NDUFAF2: variants seen among roughly 807,000 people sequenced by gnomAD.
NDUFAF2 encodes NADH dehydrogenase [ubiquinone] 1 alpha subcomplex assembly factor 2.
A neutral mutation model predicts 22.8 loss-of-function variants in NDUFAF2; 13 were observed. That is an observed-to-expected ratio of 0.57 (90% CI 0.37 to 0.91). The LOEUF (loss-of-function observed/expected upper bound fraction) is 0.91. Among genes scored for constraint, NDUFAF2 ranks in the 40% least tolerant of loss-of-function variants. NDUFAF2 has a pLI of 0.01. For missense variants in NDUFAF2, 162 were observed against 195.2 expected (o/e 0.83, Z 1.01); for synonymous variants, 53 against 64.2 (o/e 0.83, Z 0.84).
chr5:61,088,289 T>C (rs575879122), intron 2 of NDUFAF2, among the ~76,000 whole-genome samples: 3 of 152,184 alleles, frequency 2.0e-5, no homozygotes, highest in South Asian at 4.1e-4. Flanking sequence ...TGAGCACATA[T>C]ATCCCATCAC....
intron 3 of NDUFAF2, among the ~76,000 whole-genome samples, chr5:61,128,060 G>T (rs1404587059): frequency 6.6e-6 from 1 of 152,108 alleles, no homozygotes; most frequent in Non-Finnish European, 1.5e-5. Flanking sequence ...GCTTCAAAGA[G>T]AATAAAATAG....
At chr5:60,957,071 A>C (rs761061569) in intron 1 of NDUFAF2, among the ~76,000 whole-genome samples, 13 of 152,140 alleles carry the variant, frequency 8.5e-5, no homozygotes, top group Non-Finnish European at 1.8e-4. Context: ...AGGGTGTTTT[A>C]TACCTTTTGT....
At chr5:60,964,178 TG>T (rs1254969540) in intron 1 of NDUFAF2, among the ~76,000 whole-genome samples, 3 of 152,128 alleles carry the variant, frequency 2.0e-5, no homozygotes, top group Non-Finnish European at 4.4e-5. Context: ...ACAGAAAAGT[TG>T]CAAGAATAAT....
intron 1 of NDUFAF2, among the ~76,000 whole-genome samples, chr5:60,981,085 T>C (rs1233641475): frequency 6.6e-6 from 1 of 152,030 alleles, no homozygotes; most frequent in Admixed American, 6.6e-5. Flanking sequence ...TACAATAAGG[T>C]TATACAACAA....
chr5:61,040,291 CGCGCGCGCGCGA>C (rs1216221695), intron 1 of NDUFAF2, among the ~76,000 whole-genome samples: 4 of 83,888 alleles, frequency 4.8e-5, no homozygotes, highest in East Asian at 2.5e-4. Flanking sequence ...CACACACGCG[CGCGCGCGCGCGA>C]AAGTTGAAAG....
At chr5:61,022,696 G>A (rs753099324) in intron 1 of NDUFAF2, among the ~76,000 whole-genome samples, 7 of 152,326 alleles carry the variant, frequency 4.6e-5, no homozygotes, top group Non-Finnish European at 8.8e-5. Context: ...CCAGGCTGGA[G>A]TGTAGTGGCG....
At position 61,129,892 on chromosome 5, in the gene NDUFAF2, A is replaced by G. The variant is rs185025327; in HGVS notation, c.259-22812A>G. The stretch of plus-strand genomic sequence containing the variant: ...ACCCAGCTTTTTGTTCAACCTAGGC[A>G]TGTTAAAAAGACTTTCTAATTCTAA... On this transcript the variant is annotated intron_variant, in intron 3 of 3. Transcript: ENST00000296597. Among the ~76,000 whole-genome samples, 525 of 152,210 alleles carry G rather than the reference A, an allele frequency of 3.4e-3. 2 individuals carry two copies. The highest frequency in any genetic ancestry group is 6.0e-3 in the Non-Finnish European group (407 of 67,982).
At chr5:61,060,435 T>C (rs993654671) in intron 1 of NDUFAF2, among the ~76,000 whole-genome samples, 2 of 152,132 alleles carry the variant, frequency 1.3e-5, no homozygotes, top group African/African-American at 4.8e-5. Context: ...AAACCTCCTT[T>C]TGTATGCAGA....
chr5:60,964,317 A>G (rs919434913), intron 1 of NDUFAF2, among the ~76,000 whole-genome samples: 6 of 152,124 alleles, frequency 3.9e-5, no homozygotes, highest in Non-Finnish European at 5.9e-5. Context: ...TTTATGATGT[A>G]TAGCATAATG....
chr5:60,998,476 T>G (rs1751255978), intron 1 of NDUFAF2, among the ~76,000 whole-genome samples: 1 of 152,118 alleles, frequency 6.6e-6, no homozygotes, highest in African/African-American at 2.4e-5. Context: ...AGTAGGCTTA[T>G]AAAATTGTAT....
At chr5:60,994,453 G>A (rs190674051) in intron 1 of NDUFAF2, among the ~76,000 whole-genome samples, 28 of 152,300 alleles carry the variant, frequency 1.8e-4, no homozygotes, top group African/African-American at 6.0e-4. Context: ...AAAGAGCAGG[G>A]CTCCCACTTT....
chr5:61,121,380 G>A (rs1474300910), intron 3 of NDUFAF2, among the ~76,000 whole-genome samples: 1 of 152,062 alleles, frequency 6.6e-6, no homozygotes, highest in Non-Finnish European at 1.5e-5. Context: ...TACATTTGGG[G>A]CTGGGAAATC....
At chr5:61,002,239 C>G (rs1459590091) in intron 1 of NDUFAF2, among the ~76,000 whole-genome samples, 2 of 152,072 alleles carry the variant, frequency 1.3e-5, no homozygotes, top group Non-Finnish European at 2.9e-5. Flanking sequence ...TTCTGTGAGT[C>G]CTCTCTAATA....
chr5:61,127,956 A>G (rs1753058106), intron 3 of NDUFAF2, among the ~76,000 whole-genome samples: 1 of 152,218 alleles, frequency 6.6e-6, no homozygotes, highest in Non-Finnish European at 1.5e-5. Context: ...AAGTCTCAGG[A>G]TATAAAATCA....
chr5:61,124,330 T>G (rs1753009954), intron 3 of NDUFAF2, among the ~76,000 whole-genome samples: 1 of 152,050 alleles, frequency 6.6e-6, no homozygotes, highest in Non-Finnish European at 1.5e-5. Context: ...TTTTTTCCAT[T>G]ATTCTTTATA....
intron 1 of NDUFAF2, among the ~76,000 whole-genome samples, chr5:61,019,979 T>A (rs1204087486): frequency 1.3e-5 from 2 of 152,176 alleles, no homozygotes; most frequent in African/African-American, 4.8e-5. Context: ...TGACTACAAA[T>A]TCAATGTCTT....
chr5:60,948,518 T>C (rs1260429906), intron 1 of NDUFAF2, among the ~76,000 whole-genome samples: 1 of 151,916 alleles, frequency 6.6e-6, no homozygotes, highest in Admixed American at 6.6e-5. Flanking sequence ...GGCTAGAATT[T>C]TATTTAAGTG....
rs138873325 is a variant in NDUFAF2 at position 61,013,375 on chromosome 5, A to G, written c.128-59750A>G. Among the ~76,000 whole-genome samples, 13 of 152,252 alleles carry G rather than the reference A, an allele frequency of 8.5e-5. No individual in the cohort carries two copies. The East Asian group carries it at 2.5e-3, about 29-fold the overall frequency. ...TGTCTTTTGTTCAAAGGTACATAAA[A>G]AGAAATTTTTCCCTTTATAATAATT... On this transcript the variant is annotated intron_variant, in intron 1 of 3. Transcript: ENST00000296597.
At chr5:60,973,255 G>A (rs530426581) in intron 1 of NDUFAF2, among the ~76,000 whole-genome samples, 19 of 152,100 alleles carry the variant, frequency 1.2e-4, no homozygotes, top group Admixed American at 6.6e-4. Context: ...TGAGTATAGA[G>A]TTCCCTGAGT....
Sources: allele counts gnomAD v4.1 joint callset (sites outside exome capture counted in the v4.1 genomes callset), GRCh38; gene constraint gnomAD v4.1.1; transcripts MANE v1.5; gene names NCBI Gene and HGNC (gene_info 2026-07-23, HGNC 2026-07-21).